The following BLNK variants were observed in gnomAD, a reference collection of about 807,000 sequenced individuals.
BLNK encodes B-cell linker protein.
BLNK carries 29 observed loss-of-function variants against 73.5 expected under a neutral mutation model. That is an observed-to-expected ratio of 0.39 (90% CI 0.29 to 0.54). The LOEUF is 0.54. BLNK is among the 20% of genes least tolerant of loss of function. BLNK has a pLI of 0.61. For synonymous variants in BLNK, 176 were observed against 200.8 expected, an observed-to-expected ratio of 0.88 and a Z score of 1.04; for missense variants, 460 against 562.8, an observed-to-expected ratio of 0.82 and a Z score of 1.85.
intron 8 of BLNK, 89 bp downstream of exon 8, chr10:96,215,232 G>T: frequency 1.5e-6 from 2 of 1,374,870 alleles, no homozygotes; most frequent in Non-Finnish European, 2.1e-6. Context: ...TAAGACATTT[G>T]GAAATACAAG....
chr10:96,228,535 G>T lies in BLNK; in HGVS notation c.205-969C>A, dbSNP rs988432959. Among the ~76,000 whole-genome samples, 9 of 152,168 alleles carry T rather than the reference G, an allele frequency of 5.9e-5. No individual in the cohort carries two copies. In the South Asian group the frequency reaches 1.0e-3, roughly 18 times the overall value. On this transcript the variant is annotated intron_variant, in intron 4 of 16. Transcript: ENST00000224337. ...GCCTCCCAAAGCGCTGAGATTACAG[G>T]CATGAGCCACTGCGCCTGGCCTGTT...
intron 13 of BLNK, among the ~76,000 whole-genome samples, chr10:96,201,479 T>C (rs1191146271): frequency 2.0e-5 from 3 of 152,242 alleles, no homozygotes; most frequent in African/African-American, 7.2e-5. Flanking sequence ...AAAATATTAT[T>C]TATGTTAACA....
At chr10:96,202,256 C>A (rs1203776662) in intron 13 of BLNK, among the ~76,000 whole-genome samples, 2 of 152,120 alleles carry the variant, frequency 1.3e-5, no homozygotes, top group Non-Finnish European at 2.9e-5. Context: ...GTAACATGAT[C>A]TGCCTATGTT....
intron 1 of BLNK, among the ~76,000 whole-genome samples, chr10:96,268,127 G>T (rs1554914713): frequency 6.6e-6 from 1 of 152,162 alleles, no homozygotes; most frequent in African/African-American, 2.4e-5. Flanking sequence ...TTGTGTCAAA[G>T]ACCTTTTCTA....
At chr10:96,237,875 C>T (rs1214280785) in intron 3 of BLNK, among the ~76,000 whole-genome samples, 3 of 152,192 alleles carry the variant, frequency 2.0e-5, no homozygotes, top group African/African-American at 7.2e-5. Flanking sequence ...GACACATTTT[C>T]CTCATCTGCA....
intron 1 of BLNK, among the ~76,000 whole-genome samples, chr10:96,267,545 T>C (rs1844063408): frequency 6.6e-6 from 1 of 152,174 alleles, no homozygotes; most frequent in African/African-American, 2.4e-5. Flanking sequence ...CTCCAAACCC[T>C]GAGAAGAGAA....
chr10:96,225,487 G>T (rs181271040), intron 5 of BLNK, among the ~76,000 whole-genome samples: 1 of 152,316 alleles, frequency 6.6e-6, no homozygotes, highest in East Asian at 1.9e-4. Context: ...CTGTACTCAG[G>T]CATGAGGGCA....
At chr10:96,198,222 G>A (rs1224968853) in intron 15 of BLNK, among the ~76,000 whole-genome samples, 1 of 151,962 alleles carries the variant, frequency 6.6e-6, no homozygotes, top group African/African-American at 2.4e-5. Context: ...GAGAGAAAAT[G>A]GGATTTAATA....
At chr10:96,256,343 G>A (rs74153604) in intron 1 of BLNK, among the ~76,000 whole-genome samples, 6,658 of 152,072 alleles carry the variant, frequency 0.044, 443 homozygotes, top group African/African-American at 0.14. Flanking sequence ...ACTATGAATG[G>A]ATTTTTAAAA....
intron 3 of BLNK, among the ~76,000 whole-genome samples, chr10:96,238,040 T>G (rs1351181537): frequency 2.6e-5 from 4 of 152,220 alleles, no homozygotes; most frequent in African/African-American, 9.6e-5. Flanking sequence ...CTTGGGGCAA[T>G]GCATTCTGCC....
chr10:96,195,662 G>A (rs1313273251), intron 16 of BLNK, among the ~76,000 whole-genome samples: 3 of 152,118 alleles, frequency 2.0e-5, no homozygotes, highest in Non-Finnish European at 4.4e-5. Flanking sequence ...GGGGGAAAAG[G>A]GAAACTGTTG....
At chr10:96,238,352 G>A (rs1333086575) in intron 3 of BLNK, among the ~76,000 whole-genome samples, 3 of 152,172 alleles carry the variant, frequency 2.0e-5, no homozygotes, top group African/African-American at 7.2e-5. Context: ...AGGGTTTTGG[G>A]AAGCCATTTG....
rs1329974039 is a variant in BLNK, at chr10:96,190,214, T to C, written c.*1759A>G. On this transcript the variant is annotated 3_prime_UTR_variant, in exon 17 of 17. Coordinates refer to ENST00000224337, the MANE Select transcript of BLNK (RefSeq NM_013314.4). Reference sequence around the variant, plus strand: ...GGCTCACGTCCATGTCCATCGAATCTTCCATCAGGTGGCGGCACACACTTA... The same window carrying C: ...GGCTCACGTCCATGTCCATCGAATCCTCCATCAGGTGGCGGCACACACTTA... 1.7e-5 allele frequency: 13 copies of C among 765,278 alleles called. No individual in the cohort carries two copies. The highest frequency in any genetic ancestry group is 2.8e-5 in the Non-Finnish European group (12 of 423,858). The allele number at this position is 765,278 out of a possible 1,614,324, so 47.4% of individuals were successfully genotyped here. A position where few individuals can be genotyped will look rare whatever the true frequency, so the allele number is the denominator to read the frequency against.
chr10:96,193,937 A>G (rs587609328), intron 16 of BLNK, among the ~76,000 whole-genome samples: 6 of 152,348 alleles, frequency 3.9e-5, no homozygotes, highest in African/African-American at 1.4e-4. Context: ...TTTTTATTAT[A>G]GATACTTTAA....
chr10:96,237,460 A>G (rs1041837408), intron 3 of BLNK, among the ~76,000 whole-genome samples: 1 of 152,082 alleles, frequency 6.6e-6, no homozygotes, highest in African/African-American at 2.4e-5. Context: ...CCTCCCAGGG[A>G]TGCCACCCCA....
chr10:96,231,496 G>A (rs1045991612), intron 3 of BLNK, among the ~76,000 whole-genome samples: 4 of 152,136 alleles, frequency 2.6e-5, no homozygotes, highest in Non-Finnish European at 5.9e-5. Context: ...AGAGGCCAAG[G>A]CAGGAGGGTT....
intron 6 of BLNK, among the ~76,000 whole-genome samples, chr10:96,220,955 A>G (rs936806646): frequency 1.1e-4 from 16 of 152,194 alleles, no homozygotes; most frequent in African/African-American, 3.4e-4. Context: ...CTCATACCCT[A>G]TTACTTAGCC....
At chr10:96,198,541 G>A (rs1265470494) in intron 15 of BLNK, among the ~76,000 whole-genome samples, 3 of 152,156 alleles carry the variant, frequency 2.0e-5, no homozygotes, top group Non-Finnish European at 2.9e-5. Flanking sequence ...TTACATAGAA[G>A]GGCAAGAAAG....
In BLNK at chr10:96,189,695, CAAA is replaced by C. The variant is rs2083298530; in HGVS notation, c.*2275_*2277del. The C allele has an allele frequency of 7.4e-6, 5 of 672,848 alleles. No homozygotes were observed. The highest frequency in any genetic ancestry group is 1.4e-5 in the South Asian group (1 of 70,866). The allele number at this position is 672,848 out of a possible 1,614,324, so 41.7% of individuals were successfully genotyped here. ...GCTTTTTCTTCAGTTTCCTCATCAT[CAAA>C]ATCATCATCATCATCATCATCATCA... is the stretch of plus-strand genomic sequence containing the variant. On this transcript the variant is annotated 3_prime_UTR_variant, in exon 17 of 17. Coordinates refer to ENST00000224337, the MANE Select transcript of BLNK (RefSeq NM_013314.4).
Sources: gnomAD v4.1 joint callset for allele counts (sites outside exome capture counted in the v4.1 genomes callset) on GRCh38, gnomAD v4.1.1 for gene constraint, MANE v1.5 for transcripts, NCBI Gene and HGNC (gene_info 2026-07-23, HGNC 2026-07-21) for gene names.